The following REV3L variants were observed in gnomAD, a reference collection of about 807,000 sequenced individuals.
REV3L encodes the protein DNA polymerase zeta catalytic subunit.
Under a neutral mutation model 299.4 loss-of-function variants are expected in REV3L, and 69 were observed. The ratio of observed to expected loss-of-function variants is 0.23; its 90% confidence interval spans 0.19 to 0.28. REV3L has a LOEUF of 0.28. Ranked by LOEUF, REV3L falls within the 10% of genes least tolerant of loss-of-function variation. The pLI, the probability that REV3L is intolerant of heterozygous loss-of-function variation, is 1.00. For missense variants in REV3L, 3,128 were observed against 3,693.8 expected, an observed-to-expected ratio of 0.85 and a Z score of 3.97; for synonymous variants, 1,238 against 1,271.4, an observed-to-expected ratio of 0.97 and a Z score of 0.56.
chr6:111,475,474 A>T (rs1366441952), intron 1 of REV3L, among the ~76,000 whole-genome samples: 1 of 152,216 alleles, frequency 6.6e-6, no homozygotes, highest in Non-Finnish European at 1.5e-5. Flanking sequence ...TAATCCCACC[A>T]GCAATGTATA....
intron 1 of REV3L, among the ~76,000 whole-genome samples, chr6:111,470,863 C>A (rs916284569): frequency 6.6e-6 from 1 of 152,052 alleles, no homozygotes; most frequent in Admixed American, 6.5e-5. Context: ...GGCTGTAATT[C>A]CAGCTACTTG....
At chr6:111,362,328 TA>T (rs1239505149) in intron 16 of REV3L, among the ~76,000 whole-genome samples, 5 of 152,132 alleles carry the variant, frequency 3.3e-5, no homozygotes, top group Non-Finnish European at 7.4e-5. Context: ...AGGACAATAT[TA>T]AAATTTTTCC....
At chr6:111,413,806 T>C (rs1197048356) in intron 2 of REV3L, among the ~76,000 whole-genome samples, 1 of 152,150 alleles carries the variant, frequency 6.6e-6, no homozygotes, top group African/African-American at 2.4e-5. Flanking sequence ...AATGTGGCAA[T>C]GTCTTTAACA....
At chr6:111,469,425 G>A (rs758979162) in intron 1 of REV3L, among the ~76,000 whole-genome samples, 67 of 152,242 alleles carry the variant, frequency 4.4e-4, no homozygotes, top group South Asian at 2.1e-3. Context: ...GCAATGCCAC[G>A]CTAGTTAGTG....
chr6:111,429,001 T>C (rs1443697869), intron 1 of REV3L, among the ~76,000 whole-genome samples: 2 of 152,116 alleles, frequency 1.3e-5, no homozygotes, highest in African/African-American at 4.8e-5. Flanking sequence ...AAGTAAATGA[T>C]GTATACAAGT....
At chr6:111,483,301 G>A (rs1379557157), upstream of REV3L, 1 of 486,430 alleles carries the variant, frequency 2.1e-6, no homozygotes, top group African/African-American at 2.0e-5. Flanking sequence ...GGGGCTCGGC[G>A]GGAAAAGGAG....
At chr6:111,359,209 T>C (rs1238976108) in intron 16 of REV3L, among the ~76,000 whole-genome samples, 195 bp from the exon 17 acceptor site, 1 of 152,124 alleles carries the variant, frequency 6.6e-6, no homozygotes, top group African/African-American at 2.4e-5. Flanking sequence ...AATCAATTCA[T>C]GATGTTATTT....
At chr6:111,444,110 C>T (rs955953324) in intron 1 of REV3L, among the ~76,000 whole-genome samples, 4 of 152,156 alleles carry the variant, frequency 2.6e-5, no homozygotes, top group Non-Finnish European at 4.4e-5. Flanking sequence ...AACATGTAGA[C>T]AGGCCTTCAA....
intron 16 of REV3L, chr6:111,360,492 T>C (rs1375993523): frequency 6.8e-6 from 1 of 146,442 alleles, no homozygotes; most frequent in Admixed American, 6.8e-5. Context: ...TTTTTTTTTT[T>C]AGACACAGGG....
chr6:111,454,638 AATC>A (rs1789958317), intron 1 of REV3L, among the ~76,000 whole-genome samples: 1 of 152,036 alleles, frequency 6.6e-6, no homozygotes. Context: ...ATATAAGTGG[AATC>A]ATGTATTTGT....
chr6:111,301,360 C>T (rs1392132716), intron 31 of REV3L, among the ~76,000 whole-genome samples: 1 of 152,114 alleles, frequency 6.6e-6, no homozygotes, highest in Non-Finnish European at 1.5e-5. Flanking sequence ...ATTTTACTGC[C>T]TTTGAAGCAT....
intron 4 of REV3L, among the ~76,000 whole-genome samples, chr6:111,402,854 T>C (rs1195571473): frequency 4.6e-5 from 7 of 152,054 alleles, no homozygotes; most frequent in African/African-American, 7.3e-5. Flanking sequence ...AGGAATTCAA[T>C]GAGAAGAAAA....
At chr6:111,463,455 T>A (rs913314085) in intron 1 of REV3L, among the ~76,000 whole-genome samples, 4 of 152,230 alleles carry the variant, frequency 2.6e-5, no homozygotes, top group African/African-American at 9.6e-5. Flanking sequence ...TATGACATAA[T>A]TAATTTTTGT....
At chr6:111,306,239 TG>T (rs1275398343) in intron 31 of REV3L, among the ~76,000 whole-genome samples, 4 of 150,418 alleles carry the variant, frequency 2.7e-5, no homozygotes, top group African/African-American at 9.8e-5. Flanking sequence ...CCTCAGAAGA[TG>T]GGGGGTGGGG....
At chr6:111,419,058 A>C (rs929249280) in intron 1 of REV3L, among the ~76,000 whole-genome samples, 4 of 152,200 alleles carry the variant, frequency 2.6e-5, no homozygotes, top group African/African-American at 9.7e-5. Context: ...GGGGTTGAGA[A>C]GGATCCCCAA....
chr6:111,318,885 AC>A (rs1425711631), intron 26 of REV3L, among the ~76,000 whole-genome samples: 1 of 152,148 alleles, frequency 6.6e-6, no homozygotes, highest in Non-Finnish European at 1.5e-5. Context: ...AAGTGCACAT[AC>A]ACATATTTCT....
intron 1 of REV3L, among the ~76,000 whole-genome samples, chr6:111,433,357 A>G (rs887383340): frequency 1.3e-5 from 2 of 152,166 alleles, no homozygotes; most frequent in Non-Finnish European, 2.9e-5. Context: ...ACAAAAGAGG[A>G]GATAAAACAA....
intron 1 of REV3L, among the ~76,000 whole-genome samples, chr6:111,424,986 T>A (rs1007559843): frequency 3.9e-5 from 6 of 152,174 alleles, no homozygotes; most frequent in Non-Finnish European, 8.8e-5. Context: ...CATAAGCATG[T>A]GTAGGGCTAT....
chr6:111,394,736 C>T (rs1320080245), intron 4 of REV3L, among the ~76,000 whole-genome samples: 1 of 146,130 alleles, frequency 6.8e-6, no homozygotes, highest in African/African-American at 2.5e-5. Context: ...GACAGGGTCT[C>T]ACTGTCATCC....
Sources: allele counts gnomAD v4.1 joint callset (sites outside exome capture counted in the v4.1 genomes callset), GRCh38; gene constraint gnomAD v4.1.1; transcripts MANE v1.5; gene names NCBI Gene and HGNC (gene_info 2026-07-23, HGNC 2026-07-21).